The following SLC7A14 variants were observed in gnomAD, a reference collection of about 807,000 sequenced individuals.
SLC7A14 encodes the protein gamma-aminobutyric acid transporter SLC7A14.
Under a neutral mutation model 60.2 loss-of-function variants are expected in SLC7A14, and 37 were observed. The observed-to-expected ratio is 0.61, with a 90% CI of 0.47 to 0.81. The LOEUF (loss-of-function observed/expected upper bound fraction) is 0.81, where lower values mean the gene tolerates loss of function less well. Ranked by LOEUF, SLC7A14 falls within the 30% of genes least tolerant of loss-of-function variation. The pLI, the probability that SLC7A14 is intolerant of heterozygous loss-of-function variation, is 0.00. For synonymous variants in SLC7A14, 399 were observed against 395.8 expected (o/e 1.01, Z -0.10); for missense variants, 886 against 982.7 (o/e 0.90, Z 1.32).
rs1248619696 is a variant in SLC7A14, at chr3:170,464,484, G to A, written c.*2571C>T. On this transcript the variant is annotated 3_prime_UTR_variant, in exon 8 of 8. Coordinates refer to ENST00000231706, the MANE Select transcript of SLC7A14 (RefSeq NM_020949.3). The stretch of plus-strand genomic sequence containing the variant: ...AAACTGCATTGTAAAATCTGGGACT[G>A]TTCACAGAAGCAGGTAAACCTGAGG... The A allele has an allele frequency of 6.6e-6, 1 of 152,184 alleles. No homozygotes were observed. Among genetic ancestry groups the A allele is most frequent in the Non-Finnish European group, 1.5e-5 (1 of 68,034 alleles). 9.4% of individuals were successfully genotyped at this position (152,184 alleles called of 1,614,324 possible).
chr3:170,554,890 C>T (rs568253108), intron 1 of SLC7A14, among the ~76,000 whole-genome samples: 4 of 152,164 alleles, frequency 2.6e-5, no homozygotes, highest in East Asian at 3.9e-4. Flanking sequence ...GCTTGTGGGA[C>T]GGGCGCGGTG....
chr3:170,535,041 G>T lies in SLC7A14; in HGVS notation c.-152-7953C>A, dbSNP rs1307233405. 6.6e-6 allele frequency among the ~76,000 whole-genome samples: 1 copy of T among 152,136 alleles called. No homozygotes were observed. The highest frequency in any genetic ancestry group is 1.5e-5 in the Non-Finnish European group (1 of 68,038). On this transcript the variant is annotated intron_variant, in intron 1 of 7. Transcript: ENST00000231706. This position sits in a 1 kb window ranked among gnomAD's most constrained non-coding sequence, Gnocchi z 4.3. ...TCCTTCGATGCCCCAGTCAGGGAGG[G>T]TATCACAGTTTGACATCACCTTCTC...
intron 5 of SLC7A14, among the ~76,000 whole-genome samples, chr3:170,485,391 C>T (rs990214070): frequency 3.3e-5 from 5 of 152,192 alleles, no homozygotes; most frequent in African/African-American, 1.2e-4. Context: ...CAGCAGCACC[C>T]CCCACTGCCA....
At chr3:170,578,140 TC>T (rs1165880889) in intron 1 of SLC7A14, among the ~76,000 whole-genome samples, 1 of 152,272 alleles carries the variant, frequency 6.6e-6, no homozygotes, top group Non-Finnish European at 1.5e-5. Flanking sequence ...GCTGGATTGA[TC>T]CTGCACCAGC....
At chr3:170,566,426 G>T (rs1278801713) in intron 1 of SLC7A14, among the ~76,000 whole-genome samples, 1 of 152,186 alleles carries the variant, frequency 6.6e-6, no homozygotes, top group African/African-American at 2.4e-5. Context: ...GATATGGATG[G>T]TTAAACATTG....
Position 170,539,691 on chromosome 3 carries a change from T to G in SLC7A14, c.-152-12603A>C, listed in dbSNP as rs561648790. ...TAAAAATCCTCTTATATTCATTAAG[T>G]TAAGGGAAACACGAGTTTAAAATCT... is the stretch of plus-strand genomic sequence containing the variant. On this transcript the variant is annotated intron_variant, in intron 1 of 7. Coordinates refer to ENST00000231706, the MANE Select transcript of SLC7A14 (RefSeq NM_020949.3). Among the ~76,000 whole-genome samples the G allele has an allele frequency of 2.6e-5, 4 of 152,304 alleles. No individual in the cohort carries two copies. The South Asian group carries it at 8.3e-4, about 32-fold the overall frequency.
chr3:170,485,564 A>T (rs1278710869), intron 5 of SLC7A14, among the ~76,000 whole-genome samples: 1 of 152,108 alleles, frequency 6.6e-6, no homozygotes, highest in East Asian at 1.9e-4. Flanking sequence ...AAATTCTGGG[A>T]TGGGAGCTCC....
At chr3:170,550,267 C>G (rs2108304627) in intron 1 of SLC7A14, among the ~76,000 whole-genome samples, 1 of 152,230 alleles carries the variant, frequency 6.6e-6, no homozygotes, top group South Asian at 2.1e-4. Flanking sequence ...TGAAGAAGAA[C>G]TAGAAGGCAA....
chr3:170,468,455 GC>G (rs1286959285), intron 7 of SLC7A14, among the ~76,000 whole-genome samples: 2 of 151,966 alleles, frequency 1.3e-5, no homozygotes, highest in Non-Finnish European at 2.9e-5. Flanking sequence ...GTGCCACCAC[GC>G]CCAGCTAATT....
At chr3:170,584,981 T>C (rs1158363663) in intron 1 of SLC7A14, among the ~76,000 whole-genome samples, 1 of 152,100 alleles carries the variant, frequency 6.6e-6, no homozygotes, top group African/African-American at 2.4e-5. Flanking sequence ...CCCGCTGCTC[T>C]AGCCTTCCTG....
intron 2 of SLC7A14, among the ~76,000 whole-genome samples, chr3:170,503,567 A>C (rs1168521862): frequency 6.6e-6 from 1 of 152,152 alleles, no homozygotes; most frequent in Non-Finnish European, 1.5e-5. Context: ...GCATTATCCA[A>C]TTACTCCTAT....
chr3:170,544,471 A>G (rs188748664), intron 1 of SLC7A14, among the ~76,000 whole-genome samples: 2 of 152,324 alleles, frequency 1.3e-5, no homozygotes, highest in Admixed American at 6.5e-5. Flanking sequence ...CGCCTAAATA[A>G]CAGTGTCACT....
At chr3:170,557,813 T>C (rs1406100869) in intron 1 of SLC7A14, among the ~76,000 whole-genome samples, 2 of 152,132 alleles carry the variant, frequency 1.3e-5, no homozygotes, top group Non-Finnish European at 2.9e-5. Flanking sequence ...CATTAGTAAA[T>C]AGTGTTTATT....
At chr3:170,499,372 G>A (rs1413184936) in intron 3 of SLC7A14, among the ~76,000 whole-genome samples, 3 of 150,344 alleles carry the variant, frequency 2.0e-5, no homozygotes, top group African/African-American at 5.0e-5. Flanking sequence ...TTGCAAATGA[G>A]CAGGATTTGG....
intron 6 of SLC7A14, among the ~76,000 whole-genome samples, chr3:170,481,622 G>A (rs1446325851): frequency 1.3e-5 from 2 of 152,018 alleles, no homozygotes; most frequent in African/African-American, 4.8e-5. Context: ...GGCTGGTCTC[G>A]AACTCCTGAC....
chr3:170,496,635 G>A (rs1412491948), intron 4 of SLC7A14: 1 of 1,475,948 alleles, frequency 6.8e-7, no homozygotes, highest in Non-Finnish European at 9.4e-7. Flanking sequence ...GGAGAGCCCG[G>A]CTGGAGTCTG....
intron 3 of SLC7A14, among the ~76,000 whole-genome samples, chr3:170,499,334 T>C (rs1206768499): frequency 6.9e-6 from 1 of 145,654 alleles, no homozygotes; most frequent in East Asian, 2.0e-4. Flanking sequence ...GCCTATGCTA[T>C]AGTCCACAAG....
chr3:170,561,420 T>C (rs1278483827), intron 1 of SLC7A14, among the ~76,000 whole-genome samples: 1 of 152,208 alleles, frequency 6.6e-6, no homozygotes, highest in African/African-American at 2.4e-5. Context: ...TGGGGTGTCA[T>C]GAAGAGAGTA....
intron 2 of SLC7A14, among the ~76,000 whole-genome samples, chr3:170,525,448 G>A (rs1014203115): frequency 6.6e-6 from 1 of 152,254 alleles, no homozygotes; most frequent in Non-Finnish European, 1.5e-5. Flanking sequence ...TAAATCTGTG[G>A]AGGTGTTTGT....
Sources: allele counts gnomAD v4.1 joint callset (sites outside exome capture counted in the v4.1 genomes callset), GRCh38; gene constraint gnomAD v4.1.1; non-coding constraint Gnocchi (gnomAD v3.1); transcripts MANE v1.5; gene names NCBI Gene and HGNC (gene_info 2026-07-23, HGNC 2026-07-21).